The following PLCB1 variants were observed in gnomAD, a reference collection of about 807,000 sequenced individuals.
The protein encoded by PLCB1 is phospholipase C beta 1.
A neutral mutation model predicts 161.8 loss-of-function variants in PLCB1; 46 were observed. That is an observed-to-expected ratio of 0.28 (90% confidence interval 0.22 to 0.36). PLCB1 has a LOEUF of 0.36. PLCB1 is among the 10% of genes least tolerant of loss of function. The pLI, the probability that PLCB1 is intolerant of heterozygous loss-of-function variation, is 1.00. For synonymous variants in PLCB1, 517 were observed against 503.7 expected (o/e 1.03, Z -0.35); for missense variants, 1,016 against 1,472.5 (o/e 0.69, Z 5.07).
At chr20:8,589,187 T>C (rs1987074295) in intron 3 of PLCB1, among the ~76,000 whole-genome samples, 1 of 134,714 alleles carries the variant, frequency 7.4e-6, no homozygotes, top group South Asian at 2.6e-4. Context: ...AACGAAGACA[T>C]GAACAATGTT....
intron 2 of PLCB1, among the ~76,000 whole-genome samples, chr20:8,309,863 T>A (rs1321177436): frequency 2.0e-5 from 3 of 152,206 alleles, no homozygotes; most frequent in African/African-American, 7.2e-5. Flanking sequence ...ATTAGCACGC[T>A]AGCCAATTAA....
At chr20:8,879,642 C>T (rs1987903043) in intron 31 of PLCB1, among the ~76,000 whole-genome samples, 1 of 152,006 alleles carries the variant, frequency 6.6e-6, no homozygotes. Context: ...TTCTGGATTT[C>T]AGAACTTTGG....
intron 3 of PLCB1, among the ~76,000 whole-genome samples, chr20:8,415,091 T>C (rs910855114): frequency 1.3e-5 from 2 of 152,246 alleles, no homozygotes; most frequent in Admixed American, 1.3e-4. Flanking sequence ...GTTCATTTTA[T>C]CCACAGAGGA....
intron 2 of PLCB1, among the ~76,000 whole-genome samples, chr20:8,212,908 A>C (rs1978909803): frequency 6.6e-6 from 1 of 151,900 alleles, no homozygotes; most frequent in South Asian, 2.1e-4. Context: ...GCTATATCAA[A>C]AGTTGACATT....
intron 3 of PLCB1, among the ~76,000 whole-genome samples, chr20:8,618,653 TC>T (rs1231410022): frequency 6.6e-6 from 1 of 152,212 alleles, no homozygotes; most frequent in Non-Finnish European, 1.5e-5. Flanking sequence ...ACAACTTTGG[TC>T]TTCATGTATA....
At chr20:8,646,039 A>C in intron 4 of PLCB1, 63 bp from the exon 5 acceptor site, 1 of 1,118,010 alleles carries the variant, frequency 8.9e-7, no homozygotes, top group South Asian at 1.3e-5. Flanking sequence ...AGCCAAGCTA[A>C]AAGCATGTGT....
intron 31 of PLCB1, among the ~76,000 whole-genome samples, chr20:8,843,426 A>C (rs887228615): frequency 2.0e-5 from 3 of 152,200 alleles, no homozygotes; most frequent in African/African-American, 7.2e-5. Flanking sequence ...AATACCTTTT[A>C]GTGTTCCACT....
intron 2 of PLCB1, among the ~76,000 whole-genome samples, chr20:8,294,015 T>G (rs1983509920): frequency 6.6e-6 from 1 of 152,146 alleles, no homozygotes; most frequent in Non-Finnish European, 1.5e-5. Flanking sequence ...TCAAGAAAGA[T>G]TAATAGAACA....
At chr20:8,837,883 C>T (rs1166045010) in intron 31 of PLCB1, among the ~76,000 whole-genome samples, 3 of 152,096 alleles carry the variant, frequency 2.0e-5, no homozygotes, top group Admixed American at 6.5e-5. Flanking sequence ...TGGCAGCACT[C>T]GACCGTCAAA....
chr20:8,704,708 T>A (rs1978566066), intron 11 of PLCB1, among the ~76,000 whole-genome samples: 1 of 152,208 alleles, frequency 6.6e-6, no homozygotes, highest in South Asian at 2.1e-4. Flanking sequence ...GCTTTGGGGC[T>A]ATGCATTAGT....
chr20:8,372,364 C>T (rs1220806295), intron 3 of PLCB1, among the ~76,000 whole-genome samples: 2 of 152,128 alleles, frequency 1.3e-5, no homozygotes, highest in African/African-American at 4.8e-5. Flanking sequence ...AAAAAAATCA[C>T]CTGGAATAAT....
At chr20:8,293,565 C>T (rs1405598666) in intron 2 of PLCB1, among the ~76,000 whole-genome samples, 1 of 151,832 alleles carries the variant, frequency 6.6e-6, no homozygotes, top group African/African-American at 2.4e-5. Context: ...ATTTCTGGTA[C>T]ACTGGAAGTC....
chr20:8,773,702 G>A (rs1302765982), intron 26 of PLCB1, among the ~76,000 whole-genome samples: 3 of 152,148 alleles, frequency 2.0e-5, no homozygotes, highest in East Asian at 3.9e-4. Context: ...GGCCGGGCAC[G>A]GTGGCTCACG....
chr20:8,332,102 A>G (rs185034267), intron 2 of PLCB1, among the ~76,000 whole-genome samples: 70 of 152,310 alleles, frequency 4.6e-4, no homozygotes, highest in Non-Finnish European at 4.4e-5. Context: ...CTGGCAGAGG[A>G]ACACACAAAG....
At chr20:8,644,663 G>A (rs1989096916) in intron 4 of PLCB1, among the ~76,000 whole-genome samples, 1 of 151,762 alleles carries the variant, frequency 6.6e-6, no homozygotes, top group South Asian at 2.1e-4. Flanking sequence ...GGGAAGTGAG[G>A]AGCGTCTCCG....
intron 1 of PLCB1, among the ~76,000 whole-genome samples, chr20:8,147,133 C>G (rs2051461376): frequency 6.6e-6 from 1 of 152,056 alleles, no homozygotes; most frequent in South Asian, 2.1e-4. Context: ...AAGTGTGGCC[C>G]CTGGACCAAC....
intron 10 of PLCB1, among the ~76,000 whole-genome samples, chr20:8,692,421 A>C (rs1990499360): frequency 6.6e-6 from 1 of 152,242 alleles, no homozygotes; most frequent in Admixed American, 6.5e-5. Context: ...AATGAAAAGA[A>C]GATGAGCTTA....
intron 2 of PLCB1, among the ~76,000 whole-genome samples, chr20:8,295,073 T>G (rs1324189039): frequency 6.6e-6 from 1 of 152,174 alleles, no homozygotes; most frequent in Non-Finnish European, 1.5e-5. Context: ...TTTAAACATA[T>G]TATAGTGGAT....
intron 2 of PLCB1, among the ~76,000 whole-genome samples, chr20:8,317,794 T>C (rs978257083): frequency 6.6e-6 from 1 of 152,168 alleles, no homozygotes; most frequent in African/African-American, 2.4e-5. Context: ...TTTTATTCAT[T>C]GTAGAAATAA....
Sources: gnomAD v4.1 joint callset for allele counts (sites outside exome capture counted in the v4.1 genomes callset) on GRCh38, gnomAD v4.1.1 for gene constraint, MANE v1.5 for transcripts, NCBI Gene and HGNC (gene_info 2026-07-23, HGNC 2026-07-21) for gene names.